Variants in THSD4 observed in about 807,000 individuals in gnomAD.
The protein encoded by THSD4 is thrombospondin type 1 domain containing 4.
In THSD4, 69 loss-of-function variants were observed where a neutral mutation model predicts 119.0. The ratio of observed to expected loss-of-function variants is 0.58; its 90% CI spans 0.48 to 0.71. THSD4 has a LOEUF of 0.71. THSD4 is among the 30% of genes least tolerant of loss of function. The probability of loss-of-function intolerance (pLI) is 0.00; values close to 1 mark genes in which losing one functional copy is unlikely to be tolerated. For missense variants in THSD4, 1,393 were observed against 1,391.1 expected, an observed-to-expected ratio of 1.00 and a Z score of -0.02; for synonymous variants, 524 against 540.4, an observed-to-expected ratio of 0.97 and a Z score of 0.42.
At chr15:71,244,315 A>G (rs2044180605) in intron 5 of THSD4, among the ~76,000 whole-genome samples, 1 of 152,196 alleles carries the variant, frequency 6.6e-6, no homozygotes, top group African/African-American at 2.4e-5. Flanking sequence ...GGATGTTAAG[A>G]GGTTAAATTT....
intron 7 of THSD4, among the ~76,000 whole-genome samples, chr15:71,474,535 T>G (rs2047630072): frequency 6.6e-6 from 1 of 152,192 alleles, no homozygotes; most frequent in Non-Finnish European, 1.5e-5. Flanking sequence ...ACTTTATTTT[T>G]GCTTGCAAGT....
At chr15:71,203,614 C>G (rs993381566) in intron 3 of THSD4, among the ~76,000 whole-genome samples, 1 of 152,060 alleles carries the variant, frequency 6.6e-6, no homozygotes, top group Non-Finnish European at 1.5e-5. Flanking sequence ...TGCAGTGAGC[C>G]GAGATTGTGC....
intron 1 of THSD4, among the ~76,000 whole-genome samples, chr15:71,107,887 G>C (rs1054287405): frequency 6.6e-6 from 1 of 152,160 alleles, no homozygotes; most frequent in Admixed American, 6.6e-5. Context: ...GGCTCAGCAG[G>C]GTTAAGCCAC....
At chr15:71,197,439 G>A (rs2043730039) in intron 3 of THSD4, among the ~76,000 whole-genome samples, 1 of 152,188 alleles carries the variant, frequency 6.6e-6, no homozygotes, top group Admixed American at 6.5e-5. Context: ...AGAATCTCCT[G>A]TTTCTAGAAC....
At position 71,375,524 on chromosome 15, in the gene THSD4, A is replaced by AC. The variant is rs1177280766; in HGVS notation, c.1016-36162dup. 3.9e-5 allele frequency among the ~76,000 whole-genome samples: 6 copies of AC among 152,176 alleles called. No individual in the cohort carries two copies. In the South Asian group the frequency reaches 6.2e-4, roughly 16 times the overall value. ...TACTGTGTCTTTTTTGGGAGCAGGG[A>AC]CTTTGCCTGTCTGTGTTACTCCTGG... On this transcript the variant is annotated intron_variant, in intron 6 of 17. Coordinates refer to ENST00000261862, the MANE Select transcript of THSD4 (RefSeq NM_024817.3).
At chr15:71,609,805 TCATGC>T (rs1353121228) in intron 7 of THSD4, among the ~76,000 whole-genome samples, 1 of 143,512 alleles carries the variant, frequency 7.0e-6, no homozygotes, top group Non-Finnish European at 1.5e-5. Flanking sequence ...TGAGCGGAGA[TCATGC>T]CACTGCACTC....
At chr15:71,266,116 C>A (rs1487533069) in intron 6 of THSD4, among the ~76,000 whole-genome samples, 1 of 152,248 alleles carries the variant, frequency 6.6e-6, no homozygotes, top group African/African-American at 2.4e-5. Context: ...TGGTAAGGGA[C>A]AGACTGCCTC....
intron 4 of THSD4, among the ~76,000 whole-genome samples, chr15:71,240,028 G>A (rs1032948395): frequency 7.2e-5 from 11 of 152,282 alleles, no homozygotes; most frequent in Admixed American, 6.5e-4. Flanking sequence ...CATTCATTTC[G>A]TCACCTTTCC....
At position 71,750,487 on chromosome 15, in the gene THSD4, A is replaced by G. The variant is rs79574765; in HGVS notation, c.2415+1893A>G. The stretch of plus-strand genomic sequence containing the variant: ...GGGAGTGTTATCCAGAAAGAGAGGA[A>G]GGACAAACCTGCAAATGCAGCCTTC... On this transcript the variant is annotated intron_variant, in intron 14 of 17. Transcript: ENST00000261862. Among the ~76,000 whole-genome samples, 831 of 152,346 alleles carry G rather than the reference A, an allele frequency of 5.5e-3. 8 individuals are homozygous for G. Among genetic ancestry groups the G allele is most frequent in the African/African-American group, 0.019 (772 of 41,576 alleles).
intron 6 of THSD4, among the ~76,000 whole-genome samples, chr15:71,291,742 A>G (rs985909184): frequency 6.6e-6 from 1 of 152,238 alleles, no homozygotes; most frequent in Non-Finnish European, 1.5e-5. Flanking sequence ...AGTGAAGTTG[A>G]CACATAAAAT....
upstream of THSD4, chr15:71,111,643 G>C (rs1311971993): frequency 1.7e-6 from 1 of 575,990 alleles, no homozygotes; most frequent in Non-Finnish European, 3.1e-6. Flanking sequence ...AAAATGAAAG[G>C]AACAATTTTA....
intron 17 of THSD4, among the ~76,000 whole-genome samples, chr15:71,775,179 T>C (rs1303776681): frequency 1.3e-5 from 2 of 152,004 alleles, no homozygotes; most frequent in Non-Finnish European, 2.9e-5. Context: ...TACATTTCTA[T>C]AACTAGAAGG....
intron 6 of THSD4, 57 bp downstream of exon 6, chr15:71,256,772 G>T (rs889960713): frequency 6.7e-7 from 1 of 1,500,568 alleles, no homozygotes. Flanking sequence ...TTCCATTCTT[G>T]TTGACTTCTG....
chr15:71,121,376 T>C (rs1264416569), intron 1 of THSD4, among the ~76,000 whole-genome samples: 7 of 152,222 alleles, frequency 4.6e-5, no homozygotes, highest in Admixed American at 6.5e-5. Context: ...TTTTTTTTTT[T>C]TCCCCACTTT....
chr15:71,215,216 G>C lies in THSD4; in HGVS notation c.281G>C (p.Gly94Ala), dbSNP rs1010781537. 1.5e-6 allele frequency: 2 copies of C among 1,377,518 alleles called. No homozygotes were observed. Among genetic ancestry groups the C allele is most frequent in the African/African-American group, 3.0e-5 (2 of 65,644 alleles). The allele number at this position is 1,377,518 out of a possible 1,614,324, so 85.3% of individuals were successfully genotyped here. The change falls in exon 4 of 18, where the codon GGC becomes GCC. Residue 94 changes from glycine to alanine, a missense_variant. By Grantham distance (60) the Gly-to-Ala change is moderately conservative. Transcript: ENST00000261862. ...CGCCTGCGCGGCGGCCAGCGGCCTG[G>C]CGCCCCTGCGCGCGCCTTCGCGGAC... ...SYRLRGGQRP[G>A]APARAFADHV...
intron 14 of THSD4, among the ~76,000 whole-genome samples, chr15:71,749,824 A>G (rs1353592043): frequency 1.3e-5 from 2 of 151,506 alleles, no homozygotes; most frequent in Non-Finnish European, 2.9e-5. Context: ...GGATCAAGCA[A>G]TCCTCCTGCC....
rs1214737874 is a variant in THSD4 at position 71,745,176 on chromosome 15, C to T, written c.1977C>T (p.Asp659=). 1 of 1,612,808 alleles carries T rather than the reference C, an allele frequency of 6.2e-7. No individual in the cohort carries two copies. Among genetic ancestry groups the T allele is most frequent in the African/African-American group, 1.3e-5 (1 of 74,832 alleles). ...THEEAPESYC[D]SSMKPTPEEE... is the part of the protein sequence containing the mutation. ...AAGAGGCTCCTGAGAGTTACTGTGA[C>T]TCCAGCATGAAGCCGACCCCCGAGG... The change falls in exon 12 of 18, where the codon GAC becomes GAT. Residue 659 remains aspartate, a synonymous_variant. Coordinates refer to ENST00000261862, the MANE Select transcript of THSD4 (RefSeq NM_024817.3).
At chr15:71,733,331 C>A (rs1005232108) in intron 10 of THSD4, 1 of 152,038 alleles carries the variant, frequency 6.6e-6, no homozygotes, top group Non-Finnish European at 1.5e-5. Flanking sequence ...CACCCTCAGG[C>A]GGGTCAGCAA....
intron 7 of THSD4, among the ~76,000 whole-genome samples, chr15:71,424,974 T>C (rs1046961275): frequency 3.9e-5 from 6 of 152,188 alleles, no homozygotes; most frequent in Non-Finnish European, 8.8e-5. Flanking sequence ...TTCCAGACTT[T>C]AATGATCCTG....
Sources: gnomAD v4.1 joint callset for allele counts (sites outside exome capture counted in the v4.1 genomes callset) on GRCh38, gnomAD v4.1.1 for gene constraint, MANE v1.5 for transcripts, NCBI Gene and HGNC (gene_info 2026-07-23, HGNC 2026-07-21) for gene names.